Variants in STAG1 observed in about 807,000 individuals in gnomAD.
STAG1 encodes the protein STAG1 cohesin complex component.
Under a neutral mutation model 170.9 loss-of-function variants are expected in STAG1, and 26 were observed. That is an observed-to-expected ratio of 0.15 (90% confidence interval 0.11 to 0.21). STAG1 has a LOEUF of 0.21. Among genes scored for constraint, STAG1 ranks in the 10% least tolerant of loss-of-function variants. STAG1 has a pLI of 1.00. For missense variants in STAG1, 964 were observed against 1,509.5 expected, an observed-to-expected ratio of 0.64 and a Z score of 5.99; for synonymous variants, 514 against 497.7, an observed-to-expected ratio of 1.03 and a Z score of -0.44.
chr3:136,719,645 GGGTA>G (rs1406244006), intron 1 of STAG1, among the ~76,000 whole-genome samples: 3 of 130,594 alleles, frequency 2.3e-5, no homozygotes, highest in Admixed American at 7.9e-5. Flanking sequence ...GTGGGTAGGT[GGGTA>G]GGTGGGTGGG....
At chr3:136,625,187 A>G (rs1256865179) in intron 2 of STAG1, among the ~76,000 whole-genome samples, 5 of 152,210 alleles carry the variant, frequency 3.3e-5, no homozygotes, top group Admixed American at 3.3e-4. Flanking sequence ...TACATAGCAA[A>G]TGGTAAGTCC....
In STAG1 at chr3:136,748,586, G is replaced by A. The variant is rs1576847401; in HGVS notation, c.-84+3609C>T. On this transcript the variant is annotated intron_variant, in intron 1 of 33. Coordinates refer to ENST00000383202, the MANE Select transcript of STAG1 (RefSeq NM_005862.3). ...AATTTTTGTATTTTTAGTATAGACA[G>A]GGTTTCACCATGTCGGCCACGGCCA... Among the ~76,000 whole-genome samples, 6 of 93,134 alleles carry A rather than the reference G, an allele frequency of 6.4e-5. 1 individual carries two copies. In the South Asian group the frequency reaches 1.6e-3, roughly 24 times the overall value. The allele number at this position is 93,134 out of a possible 152,430, so 61.1% of individuals were successfully genotyped here. A position where few individuals can be genotyped will look rare whatever the true frequency, so the allele number is the denominator to read the frequency against.
intron 1 of STAG1, among the ~76,000 whole-genome samples, chr3:136,714,951 A>ATATATTT (rs1553770544): frequency 1.2e-5 from 1 of 80,286 alleles, no homozygotes; most frequent in Admixed American, 1.3e-4. Flanking sequence ...ATATATATAT[A>ATATATTT]TATATATATA....
chr3:136,619,343 C>T (rs1435759294), intron 3 of STAG1, among the ~76,000 whole-genome samples: 2 of 149,880 alleles, frequency 1.3e-5, no homozygotes, highest in East Asian at 1.9e-4. Flanking sequence ...CCTGCCTTCA[C>T]ACAACTTACA....
At position 136,724,136 on chromosome 3, in the gene STAG1, C is replaced by T. The variant is rs1414495605; in HGVS notation, c.-84+28059G>A. Among the ~76,000 whole-genome samples the T allele has an allele frequency of 6.0e-5, 9 of 150,016 alleles. No individual in the cohort carries two copies. In the East Asian group the frequency reaches 1.8e-3, roughly 29 times the overall value. ...GCTCATTGAGAACGGGCCATGATGA[C>T]AATGGCGGTTTTGTGGAATAGAGGA... On this transcript the variant is annotated intron_variant, in intron 1 of 33. Transcript: ENST00000383202.
At chr3:136,347,155 G>A (rs553325764) in intron 29 of STAG1, among the ~76,000 whole-genome samples, 1 of 150,960 alleles carries the variant, frequency 6.6e-6, no homozygotes, top group African/African-American at 2.4e-5. Context: ...AGCACTTTGA[G>A]AAGCCAAGGT....
chr3:136,473,684 C>T (rs2107814485), intron 10 of STAG1, 47 bp from the exon 11 acceptor site: 1 of 1,425,108 alleles, frequency 7.0e-7, no homozygotes, highest in East Asian at 2.3e-5. Flanking sequence ...CAATTCCATA[C>T]TACAATTTTC....
rs377294240 is a variant in STAG1 at position 136,510,076 on chromosome 3, T to C, written c.677-7297A>G. On this transcript the variant is annotated intron_variant, in intron 7 of 33. Transcript: ENST00000383202. ...TTTTTCTGGAAAGCAGTGTTGCAGT[T>C]CCACAAAGACCTAAAAACAGAACTA... Among the ~76,000 whole-genome samples the C allele has an allele frequency of 2.2e-4, 34 of 152,300 alleles. No individual in the cohort carries two copies. In the East Asian group the frequency reaches 5.2e-3, roughly 23 times the overall value.
intron 23 of STAG1, among the ~76,000 whole-genome samples, chr3:136,376,118 G>C (rs1364228945): frequency 6.7e-6 from 1 of 148,506 alleles, no homozygotes. Flanking sequence ...TAAAGAATAA[G>C]GTTTAGGGAA....
At chr3:136,529,224 T>G (rs1935237500) in intron 6 of STAG1, among the ~76,000 whole-genome samples, 1 of 152,092 alleles carries the variant, frequency 6.6e-6, no homozygotes, top group Admixed American at 6.5e-5. Context: ...ATGAAAGCAT[T>G]TTAAAACCTA....
chr3:136,665,324 G>A (rs527819891), intron 1 of STAG1, among the ~76,000 whole-genome samples: 7 of 152,260 alleles, frequency 4.6e-5, no homozygotes, highest in African/African-American at 1.7e-4. Context: ...GGAAGCCAGA[G>A]GAAGGACTGT....
chr3:136,476,955 C>A lies in STAG1; in HGVS notation c.1026+334G>T, dbSNP rs138629536. The stretch of plus-strand genomic sequence containing the variant: ...CTAGAAAATTTTTTTTAAAAAAAAG[C>A]TTAGTTTTTATATATTAAGAAAAAA... On this transcript the variant is annotated intron_variant, in intron 10 of 33. Coordinates refer to ENST00000383202, the MANE Select transcript of STAG1 (RefSeq NM_005862.3). Among the ~76,000 whole-genome samples, 1,145 of 151,962 alleles carry A rather than the reference C, an allele frequency of 7.5e-3. 18 individuals carry two copies. Among genetic ancestry groups the A allele is most frequent in the African/African-American group, 0.026 (1,092 of 41,456 alleles).
At chr3:136,625,995 G>A (rs1940073520) in intron 2 of STAG1, among the ~76,000 whole-genome samples, 1 of 152,162 alleles carries the variant, frequency 6.6e-6, no homozygotes, top group Non-Finnish European at 1.5e-5. Flanking sequence ...GGACGTTGCA[G>A]TGAGCAGAGA....
intron 1 of STAG1, among the ~76,000 whole-genome samples, chr3:136,697,450 T>C (rs1303631072): frequency 6.6e-6 from 1 of 152,154 alleles, no homozygotes; most frequent in Non-Finnish European, 1.5e-5. Context: ...AATCACTATC[T>C]TTACCCTCTA....
chr3:136,523,186 C>G (rs9787033), intron 6 of STAG1, among the ~76,000 whole-genome samples: 2 of 152,166 alleles, frequency 1.3e-5, no homozygotes, highest in African/African-American at 4.8e-5. Flanking sequence ...GTCCCAACAA[C>G]AGTGTAAAAG....
chr3:136,734,118 A>ACAAAACAAAACAAAAC (rs1171381110), intron 1 of STAG1, among the ~76,000 whole-genome samples: 6 of 151,408 alleles, frequency 4.0e-5, no homozygotes, highest in African/African-American at 1.5e-4. Context: ...CAAAAAAAAA[A>ACAAAACAAAACAAAAC]AAAAACAAAA....
At chr3:136,648,763 C>T (rs778110956) in intron 1 of STAG1, among the ~76,000 whole-genome samples, 58 of 152,146 alleles carry the variant, frequency 3.8e-4, no homozygotes, top group Non-Finnish European at 6.8e-4. Context: ...TCCATCCCTT[C>T]CTCTTTCTCT....
intron 4 of STAG1, among the ~76,000 whole-genome samples, chr3:136,577,174 T>C (rs930464449): frequency 1.3e-5 from 2 of 152,212 alleles, no homozygotes; most frequent in Non-Finnish European, 2.9e-5. Flanking sequence ...TCCTTTTAAG[T>C]ACACCTGAGT....
chr3:136,348,542 G>A (rs1455338264), intron 29 of STAG1, among the ~76,000 whole-genome samples: 1 of 152,064 alleles, frequency 6.6e-6, no homozygotes, highest in African/African-American at 2.4e-5. Context: ...CCAAGTAGCT[G>A]GGACTACAGG....
Sources: gnomAD v4.1 joint callset for allele counts (sites outside exome capture counted in the v4.1 genomes callset) on GRCh38, gnomAD v4.1.1 for gene constraint, MANE v1.5 for transcripts, NCBI Gene and HGNC (gene_info 2026-07-23, HGNC 2026-07-21) for gene names.